CERS1: variants seen among roughly 807,000 people sequenced by gnomAD.
CERS1 encodes Embryonic growth/differentiation factor 1.
Under a neutral mutation model 35.7 loss-of-function variants are expected in CERS1, and 16 were observed. The ratio of observed to expected loss-of-function variants is 0.45; its 90% CI spans 0.30 to 0.68. The LOEUF is 0.68. CERS1 is among the 30% of genes least tolerant of loss of function. CERS1 has a pLI of 0.08. For missense variants in CERS1, 454 were observed against 453.9 expected, an observed-to-expected ratio of 1.00 and a Z score of 0.00; for synonymous variants, 243 against 201.6, an observed-to-expected ratio of 1.21 and a Z score of -1.74.
chr19:18,883,309 A>G (rs1316293302), intron 3 of CERS1: 1 of 152,238 alleles, frequency 6.6e-6, no homozygotes, highest in Non-Finnish European at 1.5e-5. Flanking sequence ...AACAGGTAAT[A>G]TTAATTTTAA....
Position 18,895,944 on chromosome 19 carries a change from C to T in CERS1, c.129G>A (p.Gly43=). Residue 43 remains glycine (G), a synonymous_variant, in exon 1 of 8, where the codon GGG becomes GGA. Coordinates refer to ENST00000623882, the MANE Select transcript of CERS1 (RefSeq NM_021267.5). This position sits in a 1 kb window ranked among gnomAD's most constrained non-coding sequence, Gnocchi z 6.4. ...AARGCTDCGW[G]LARRGLAEHA... ...GCTCAGCCAGGCCGCGACGCGCCAGCCCCCAGCCGCAGTCCGTGCAGCCCC... is the reference window on the plus strand; with the variant it reads ...GCTCAGCCAGGCCGCGACGCGCCAGTCCCCAGCCGCAGTCCGTGCAGCCCC... The T allele has an allele frequency of 1.7e-6, 2 of 1,169,708 alleles. No homozygotes were observed. Among genetic ancestry groups the T allele is most frequent in the Non-Finnish European group, 1.1e-6 (1 of 946,198 alleles). 72.5% of individuals were successfully genotyped at this position (1,169,708 alleles called of 1,614,324 possible). A position where few individuals can be genotyped will look rare whatever the true frequency, so the allele number is the denominator to read the frequency against.
chr19:18,868,939 C>T lies in CERS1; in HGVS notation c.*1046G>A. 1 of 1,279,578 alleles carries T rather than the reference C, an allele frequency of 7.8e-7. No homozygotes were observed. Among genetic ancestry groups the T allele is most frequent in the Non-Finnish European group, 9.9e-7 (1 of 1,007,068 alleles). The allele number at this position is 1,279,578 out of a possible 1,614,324, so 79.3% of individuals were successfully genotyped here. A position where few individuals can be genotyped will look rare whatever the true frequency, so the allele number is the denominator to read the frequency against. The stretch of plus-strand genomic sequence containing the variant: ...GACAAGCGCCCCCGGGGCCGCCGCC[C>T]AACACGGGTTCGGCGTCGCGCCGCG... On this transcript the variant is annotated 3_prime_UTR_variant, in exon 8 of 8. Transcript: ENST00000623882.
At chr19:18,874,060 C>A (rs2056020901) in intron 6 of CERS1, among the ~76,000 whole-genome samples, 1 of 152,150 alleles carries the variant, frequency 6.6e-6, no homozygotes, top group Admixed American at 6.5e-5. Context: ...AGCACGTTCT[C>A]TCCTGGGTTG....
At chr19:18,886,805 C>T (rs534847073) in intron 2 of CERS1, among the ~76,000 whole-genome samples, 21 of 152,342 alleles carry the variant, frequency 1.4e-4, no homozygotes, top group African/African-American at 5.0e-4. Flanking sequence ...CTCGGCCTGG[C>T]CCCTTCTGCA....
chr19:18,895,769 G>T lies in CERS1; in HGVS notation c.249+55C>A. The T allele has an allele frequency of 9.7e-7, 1 of 1,035,188 alleles. No homozygotes were observed. The highest frequency in any genetic ancestry group is 1.2e-6 in the Non-Finnish European group (1 of 825,332). The allele number at this position is 1,035,188 out of a possible 1,614,324, so 64.1% of individuals were successfully genotyped here. On this transcript the variant is annotated intron_variant, in intron 1 of 7. Transcript: ENST00000623882. The surrounding 1 kb of genome is among the most constrained non-coding windows in gnomAD (Gnocchi z 6.4). The stretch of plus-strand genomic sequence containing the variant: ...ACGCGCCGGCGGCCCCAGGTCCCCG[G>T]TCCCGGCTTCCCCCAGTCCGGGGTC...
chr19:18,876,240 C>T (rs1176451520), intron 6 of CERS1, among the ~76,000 whole-genome samples: 2 of 152,238 alleles, frequency 1.3e-5, no homozygotes, highest in Non-Finnish European at 2.9e-5. Flanking sequence ...CCTGCCTTGG[C>T]CTCCCAAAGT....
Position 18,880,425 on chromosome 19 carries a change from C to T in CERS1, c.601G>A (p.Val201Met), listed in dbSNP as rs1247559045. 6.3e-7 allele frequency: 1 copy of T among 1,585,286 alleles called. No homozygotes were observed. The highest frequency in any genetic ancestry group is 8.6e-7 in the Non-Finnish European group (1 of 1,164,098). The change falls in exon 4 of 8, where the codon GTG becomes ATG. Residue 201 changes from valine (V) to methionine (M), a missense_variant. Val to Met is a conservative substitution (Grantham distance 21, BLOSUM62 1). Coordinates refer to ENST00000623882, the MANE Select transcript of CERS1 (RefSeq NM_021267.5). ...VSSYAFRYHN[V>M]GILVLFLHDI... is the part of the protein sequence containing the mutation. ...TGCAGGAAGAGCACAAGGATGCCCACATTGTGGTACCTGGGGGAGCAGCAG... is the reference window on the plus strand; with the variant it reads ...TGCAGGAAGAGCACAAGGATGCCCATATTGTGGTACCTGGGGGAGCAGCAG...
Position 18,870,034 on chromosome 19 carries a change from C to T in CERS1, c.*543G>A. On this transcript the variant is annotated 3_prime_UTR_variant, in exon 7 of 8. Transcript: ENST00000623882. This position sits in a 1 kb window ranked among gnomAD's most constrained non-coding sequence, Gnocchi z 5.1. ...TTTCCGGCGACCCCCAGCTCCTCCACGTGGCACGGTTGCAGGGTGACCCCT... is the reference window on the plus strand; with the variant it reads ...TTTCCGGCGACCCCCAGCTCCTCCATGTGGCACGGTTGCAGGGTGACCCCT... The T allele has an allele frequency of 6.3e-7, 1 of 1,597,112 alleles. No individual in the cohort carries two copies. The highest frequency in any genetic ancestry group is 1.3e-5 in the African/African-American group (1 of 74,762).
chr19:18,868,730 G>C lies in CERS1; in HGVS notation c.*1255C>G. The C allele has an allele frequency of 6.5e-7, 1 of 1,534,784 alleles. No individual in the cohort carries two copies. The highest frequency in any genetic ancestry group is 1.4e-5 in the African/African-American group (1 of 72,328). ...GCAGCAGGGCAGGTCGGCGGCTCCC[G>C]GGGCGGCCGCGTGCATGAGCGCGCG... is the stretch of plus-strand genomic sequence containing the variant. On this transcript the variant is annotated 3_prime_UTR_variant, in exon 8 of 8. Transcript: ENST00000623882.
In CERS1 at chr19:18,878,784, T is replaced by C. The variant is rs143294617; in HGVS notation, c.1010+146A>G. ...ACTGGCCACATCGTCCACGCCTTTA[T>C]TGCAGTCTCTGTTTTGGAGTAGGCT... is the stretch of plus-strand genomic sequence containing the variant. On this transcript the variant is annotated intron_variant, in intron 6 of 7. Transcript: ENST00000623882. This position sits in a 1 kb window ranked among gnomAD's most constrained non-coding sequence, Gnocchi z 4.6. 6 of 1,462,148 alleles carry C rather than the reference T, an allele frequency of 4.1e-6. No individual in the cohort carries two copies. The highest frequency in any genetic ancestry group is 1.4e-5 in the African/African-American group (1 of 71,258). 90.6% of individuals were successfully genotyped at this position (1,462,148 alleles called of 1,614,324 possible). A position where few individuals can be genotyped will look rare whatever the true frequency, so the allele number is the denominator to read the frequency against.
intron 1 of CERS1, among the ~76,000 whole-genome samples, chr19:18,894,927 A>G (rs2056589211): frequency 2.0e-5 from 3 of 152,202 alleles, no homozygotes; most frequent in Admixed American, 1.3e-4. Context: ...GGGGGTGTCC[A>G]GGCCAAGCTA....
At chr19:18,875,585 C>T (rs887397757) in intron 6 of CERS1, among the ~76,000 whole-genome samples, 5 of 151,592 alleles carry the variant, frequency 3.3e-5, no homozygotes, top group South Asian at 2.1e-4. Flanking sequence ...ACTGTTAAAA[C>T]GGTAATCCAC....
rs2055910234 is a variant in CERS1, at chr19:18,869,083, G to A, written c.*902C>T. ...GTAGCGCCAGCGCCAGGCGGAGGCT[G>A]CGCGGCCATGAGGCGTTGCGAGCCC... is the stretch of plus-strand genomic sequence containing the variant. On this transcript the variant is annotated 3_prime_UTR_variant, in exon 8 of 8. Transcript: ENST00000623882. The A allele has an allele frequency of 2.8e-6, 3 of 1,064,198 alleles. No homozygotes were observed. Among genetic ancestry groups the A allele is most frequent in the African/African-American group, 1.7e-5 (1 of 58,262 alleles). The allele number at this position is 1,064,198 out of a possible 1,614,324, so 65.9% of individuals were successfully genotyped here.
intron 2 of CERS1, among the ~76,000 whole-genome samples, chr19:18,888,197 T>TA (rs2056406060): frequency 6.6e-6 from 1 of 151,684 alleles, no homozygotes; most frequent in South Asian, 2.1e-4. Context: ...CCAGCTCTAC[T>TA]AAAATACTAA....
chr19:18,895,746 G>T lies in CERS1; in HGVS notation c.249+78C>A. The stretch of plus-strand genomic sequence containing the variant: ...GCAGCCAGCGCTGGAAGAAAGGAAC[G>T]CGCCGGCGGCCCCAGGTCCCCGGTC... On this transcript the variant is annotated intron_variant, in intron 1 of 7. Transcript: ENST00000623882. This position sits in a 1 kb window ranked among gnomAD's most constrained non-coding sequence, Gnocchi z 6.4. 1 of 785,242 alleles carries T rather than the reference G, an allele frequency of 1.3e-6. No individual in the cohort carries two copies. The highest frequency in any genetic ancestry group is 1.7e-6 in the Non-Finnish European group (1 of 605,254). The allele number at this position is 785,242 out of a possible 1,614,324, so 48.6% of individuals were successfully genotyped here.
chr19:18,870,170 G>A lies in CERS1; in HGVS notation c.*407C>T. On this transcript the variant is annotated 3_prime_UTR_variant, in exon 7 of 8. Coordinates refer to ENST00000623882, the MANE Select transcript of CERS1 (RefSeq NM_021267.5). The surrounding 1 kb of genome is among the most constrained non-coding windows in gnomAD (Gnocchi z 5.1). ...GCCTGGGGGCACCCTGGGGCTCATC[G>A]CGCAGTCCTAGAGCCTGGAGCAGGG... 1 of 1,561,908 alleles carries A rather than the reference G, an allele frequency of 6.4e-7. No individual in the cohort carries two copies. The highest frequency in any genetic ancestry group is 8.6e-7 in the Non-Finnish European group (1 of 1,159,708).
Position 18,870,933 on chromosome 19 carries a change from C to A in CERS1, c.1011-314G>T, listed in dbSNP as rs1011941440. ...CCAGGCCGCTGGAGGGCAAAACCCA[C>A]GTACCGGCCTGGGCCTGACAACTCC... is the stretch of plus-strand genomic sequence containing the variant. On this transcript the variant is annotated intron_variant, in intron 6 of 7. Coordinates refer to ENST00000623882, the MANE Select transcript of CERS1 (RefSeq NM_021267.5). The surrounding 1 kb of genome is among the most constrained non-coding windows in gnomAD (Gnocchi z 5.1). Among the ~76,000 whole-genome samples, 9 of 152,166 alleles carry A rather than the reference C, an allele frequency of 5.9e-5. No individual in the cohort carries two copies. Among genetic ancestry groups the A allele is most frequent in the African/African-American group, 2.2e-4 (9 of 41,442 alleles).
chr19:18,884,255 C>A lies in CERS1; in HGVS notation c.422G>T (p.Gly141Val). The A allele has an allele frequency of 6.2e-7, 1 of 1,612,298 alleles. No homozygotes were observed. The highest frequency in any genetic ancestry group is 8.5e-7 in the Non-Finnish European group (1 of 1,179,492). ...TGCAATGTCCCGTGGCACTGCCATG[C>A]CCGGCGTCCAGTCTGGGGAGAGCCA... ...PPSVFYDWTP[G>V]MAVPRDIAAA... The change falls in exon 3 of 8, where the codon GGC becomes GTC. Residue 141 changes from glycine to valine, a missense_variant. Coordinates refer to ENST00000623882, the MANE Select transcript of CERS1 (RefSeq NM_021267.5).
Position 18,878,757 on chromosome 19 carries a change from G to T in CERS1, c.1010+173C>A. 1.4e-6 allele frequency: 2 copies of T among 1,436,208 alleles called. No individual in the cohort carries two copies. The highest frequency in any genetic ancestry group is 1.8e-6 in the Non-Finnish European group (2 of 1,094,090). The allele number at this position is 1,436,208 out of a possible 1,614,324, so 89.0% of individuals were successfully genotyped here. ...CTTCCTCACTGTCCTGTCCTTCAGG[G>T]TACTGGCCACATCGTCCACGCCTTT... On this transcript the variant is annotated intron_variant, in intron 6 of 7. Transcript: ENST00000623882. This position sits in a 1 kb window ranked among gnomAD's most constrained non-coding sequence, Gnocchi z 4.6.
Sources: gnomAD v4.1 joint callset for allele counts (sites outside exome capture counted in the v4.1 genomes callset) on GRCh38, gnomAD v4.1.1 for gene constraint, Gnocchi (gnomAD v3.1) non-coding constraint, MANE v1.5 for transcripts, NCBI Gene and HGNC (gene_info 2026-07-23, HGNC 2026-07-21) for gene names.